The following TTC21A variants were observed in gnomAD, a reference collection of about 807,000 sequenced individuals.
TTC21A encodes the protein tetratricopeptide repeat protein 21A.
TTC21A carries 128 observed loss-of-function variants against 156.4 expected under a neutral mutation model. That is an observed-to-expected ratio of 0.82 (90% CI 0.71 to 0.95). TTC21A has a LOEUF of 0.95. Ranked by LOEUF, TTC21A falls within the 40% of genes least tolerant of loss-of-function variation. The pLI is 0.00. For synonymous variants in TTC21A, 587 were observed against 617.1 expected, an observed-to-expected ratio of 0.95 and a Z score of 0.72; for missense variants, 1,435 against 1,602.3, an observed-to-expected ratio of 0.90 and a Z score of 1.78.
Position 39,136,620 on chromosome 3 carries a change from C to T in TTC21A, c.3095+113C>T, listed in dbSNP as rs142538520. On this transcript the variant is annotated intron_variant, in intron 23 of 28. Coordinates refer to ENST00000683103, the MANE Select transcript of TTC21A (RefSeq NM_001366900.1). ...GCAGAAATTCTGCCTCCAGGACACC[C>T]GGACCCAGCAAGTGAGGGCCCATGG... 3,931 of 1,346,532 alleles carry T rather than the reference C, an allele frequency of 2.9e-3. 96 individuals carry two copies. The African/African-American group carries it at 0.049, about 17-fold the overall frequency. The allele number at this position is 1,346,532 out of a possible 1,614,324, so 83.4% of individuals were successfully genotyped here.
intron 5 of TTC21A, among the ~76,000 whole-genome samples, chr3:39,114,268 T>A (rs191994687): frequency 4.6e-5 from 7 of 152,308 alleles, no homozygotes; most frequent in Non-Finnish European, 1.0e-4. Context: ...CCCAGTGACC[T>A]CACCTCTCCC....
At chr3:39,115,724 G>A (rs1012796547) in intron 6 of TTC21A, among the ~76,000 whole-genome samples, 1 of 151,826 alleles carries the variant, frequency 6.6e-6, no homozygotes, top group South Asian at 2.1e-4. Flanking sequence ...TATTTTTATC[G>A]CAATCATTCT....
In TTC21A at chr3:39,130,022, C is replaced by A; in HGVS notation, c.2136-57C>A. On this transcript the variant is annotated intron_variant, in intron 15 of 28. Coordinates refer to ENST00000683103, the MANE Select transcript of TTC21A (RefSeq NM_001366900.1). This position sits in a 1 kb window ranked among gnomAD's most constrained non-coding sequence, Gnocchi z 4.5. ...GGGAAGGAAGTGAAGGAGATGATTT[C>A]AGGAACATGAGGTGTGTGCGAACCT... The A allele has an allele frequency of 6.5e-7, 1 of 1,532,068 alleles. No homozygotes were observed. The highest frequency in any genetic ancestry group is 9.0e-7 in the Non-Finnish European group (1 of 1,110,896). The allele number at this position is 1,532,068 out of a possible 1,614,324, so 94.9% of individuals were successfully genotyped here.
In TTC21A at chr3:39,134,428, G is replaced by T; in HGVS notation, c.2862+100G>T. On this transcript the variant is annotated intron_variant, in intron 21 of 28. Coordinates refer to ENST00000683103, the MANE Select transcript of TTC21A (RefSeq NM_001366900.1). The surrounding 1 kb of genome is among the most constrained non-coding windows in gnomAD (Gnocchi z 4.6). The stretch of plus-strand genomic sequence containing the variant: ...ACTTCCTAGCCCCGTAACCTCAGAT[G>T]CCTCACTGACACACCTCTGAGGAGC... 1.2e-6 allele frequency: 1 copy of T among 851,594 alleles called. No homozygotes were observed. The highest frequency in any genetic ancestry group is 1.3e-5 in the South Asian group (1 of 75,362). 52.8% of individuals were successfully genotyped at this position (851,594 alleles called of 1,614,324 possible).
At chr3:39,133,781 C>G (rs2125856875) in intron 20 of TTC21A, among the ~76,000 whole-genome samples, 1 of 152,332 alleles carries the variant, frequency 6.6e-6, no homozygotes, top group East Asian at 1.9e-4. Flanking sequence ...TTGCCCGGCT[C>G]TGGAGACATA....
chr3:39,116,071 C>T (rs2037265040), intron 6 of TTC21A, among the ~76,000 whole-genome samples: 1 of 152,270 alleles, frequency 6.6e-6, no homozygotes, highest in Non-Finnish European at 1.5e-5. Flanking sequence ...GCCAGCAACT[C>T]ACCTGGAAGC....
intron 4 of TTC21A, among the ~76,000 whole-genome samples, chr3:39,112,203 G>A (rs534318428): frequency 7.9e-4 from 120 of 152,332 alleles, no homozygotes; most frequent in Non-Finnish European, 1.4e-3. Context: ...CTCTGAGGCT[G>A]AGTTGTAAGT....
intron 8 of TTC21A, among the ~76,000 whole-genome samples, chr3:39,120,760 G>A (rs987505021): frequency 6.6e-6 from 1 of 152,188 alleles, no homozygotes; most frequent in Admixed American, 6.5e-5. Flanking sequence ...GACCAGACAG[G>A]GGATAGGTCC....
chr3:39,128,208 C>CT (rs752391430), intron 12 of TTC21A, 123 bp from the exon 13 acceptor site: 1 of 1,165,036 alleles, frequency 8.6e-7, no homozygotes, highest in Non-Finnish European at 1.2e-6. Context: ...ACAAAACTGG[C>CT]TAAAATACTC....
chr3:39,138,055 G>C (rs996300632), intron 26 of TTC21A, among the ~76,000 whole-genome samples: 2 of 152,164 alleles, frequency 1.3e-5, no homozygotes, highest in African/African-American at 4.8e-5. Flanking sequence ...ACAGGGAAAG[G>C]GGTTACGCCA....
chr3:39,132,301 G>T (rs1168614141), intron 19 of TTC21A, among the ~76,000 whole-genome samples: 1 of 152,230 alleles, frequency 6.6e-6, no homozygotes, highest in Non-Finnish European at 1.5e-5. Context: ...GTGGAGCTGA[G>T]ATCTGAGCCA....
Position 39,129,101 on chromosome 3 carries a change from C to T in TTC21A, c.1926C>T (p.Thr642=). The change falls in exon 15 of 29, where the codon ACC becomes ACT. Residue 642 remains threonine, a synonymous_variant. Coordinates refer to ENST00000683103, the MANE Select transcript of TTC21A (RefSeq NM_001366900.1). ...AGGCCACCAAGGTCATGCAGGACACCATCAATGAGTTCGGTGGCACACCAG... is the reference window on the plus strand; with the variant it reads ...AGGCCACCAAGGTCATGCAGGACACTATCAATGAGTTCGGTGGCACACCAG... The part of the protein sequence containing the change: ...LHEATKVMQD[T]INEFGGTPEE... 2 of 1,614,240 alleles carry T rather than the reference C, an allele frequency of 1.2e-6. No individual in the cohort carries two copies. Among genetic ancestry groups the T allele is most frequent in the South Asian group, 2.2e-5 (2 of 91,078 alleles).
chr3:39,114,299 G>A (rs1028901032), intron 5 of TTC21A, among the ~76,000 whole-genome samples: 1 of 152,170 alleles, frequency 6.6e-6, no homozygotes, highest in Non-Finnish European at 1.5e-5. Flanking sequence ...ACCTCACATG[G>A]CCTTACCCTA....
In TTC21A at chr3:39,119,170, C is replaced by T. The variant is rs1441825956; in HGVS notation, c.802-752C>T. The stretch of plus-strand genomic sequence containing the variant: ...AACCTTGGGACCTCCCCACCGACCC[C>T]GGGCTGGCTACCCAGTTCTAATTTT... On this transcript the variant is annotated intron_variant, in intron 7 of 28. Coordinates refer to ENST00000683103, the MANE Select transcript of TTC21A (RefSeq NM_001366900.1). The T allele has an allele frequency of 2.6e-5, 4 of 152,342 alleles. No homozygotes were observed. The East Asian group carries it at 7.7e-4, about 29-fold the overall frequency. 9.4% of individuals were successfully genotyped at this position (152,342 alleles called of 1,614,324 possible). A position where few individuals can be genotyped will look rare whatever the true frequency, so the allele number is the denominator to read the frequency against.
intron 4 of TTC21A, among the ~76,000 whole-genome samples, chr3:39,111,673 G>A (rs1366149001): frequency 1.3e-5 from 2 of 152,100 alleles, no homozygotes; most frequent in Non-Finnish European, 1.5e-5. Context: ...TACTCTTTAT[G>A]TATAAAACAC....
At chr3:39,126,517 C>T in intron 12 of TTC21A, 127 bp downstream of exon 12, 4 of 1,009,778 alleles carry the variant, frequency 4.0e-6, no homozygotes, top group Non-Finnish European at 5.8e-6. Flanking sequence ...CACACACACA[C>T]ACACTCTCCT....
At chr3:39,118,724 A>G (rs1397951827) in intron 7 of TTC21A, 2 of 153,646 alleles carry the variant, frequency 1.3e-5, no homozygotes, top group African/African-American at 4.8e-5. Flanking sequence ...AACACCTAGA[A>G]TTCTTAGTGA....
At chr3:39,138,066 G>C in intron 26 of TTC21A, 1 of 692,392 alleles carries the variant, frequency 1.4e-6, no homozygotes, top group Admixed American at 2.9e-5. Flanking sequence ...GGTTACGCCA[G>C]TGTCTGGGGT....
Position 39,119,444 on chromosome 3 carries a change from T to C in TTC21A, c.802-478T>C, listed in dbSNP as rs117135607. On this transcript the variant is annotated intron_variant, in intron 7 of 28. Transcript: ENST00000683103. ...GTTATACTGACTTACATTTGATTCATGTCAAAATGGAGCAGAGGCTTCTGG... is the reference window on the plus strand; with the variant it reads ...GTTATACTGACTTACATTTGATTCACGTCAAAATGGAGCAGAGGCTTCTGG... The C allele has an allele frequency of 3.0e-3, 452 of 152,632 alleles. 19 individuals are homozygous for C. The East Asian group carries it at 0.08, about 27-fold the overall frequency. 9.5% of individuals were successfully genotyped at this position (152,632 alleles called of 1,614,324 possible). A position where few individuals can be genotyped will look rare whatever the true frequency, so the allele number is the denominator to read the frequency against.
Sources: allele counts gnomAD v4.1 joint callset (sites outside exome capture counted in the v4.1 genomes callset), GRCh38; gene constraint gnomAD v4.1.1; non-coding constraint Gnocchi (gnomAD v3.1); transcripts MANE v1.5; gene names NCBI Gene and HGNC (gene_info 2026-07-23, HGNC 2026-07-21).